The following CDH2 variants were observed in gnomAD, a reference collection of about 807,000 sequenced individuals.
CDH2 encodes cadherin 2.
Under a neutral mutation model 92.0 loss-of-function variants are expected in CDH2, and 17 were observed. The observed-to-expected ratio is 0.18, with a 90% CI of 0.13 to 0.28. The LOEUF (loss-of-function observed/expected upper bound fraction) is 0.28. Ranked by LOEUF, CDH2 falls within the 10% of genes least tolerant of loss-of-function variation. CDH2 has a pLI of 1.00. For missense variants in CDH2, 862 were observed against 1,133.1 expected (o/e 0.76, Z 3.44); for synonymous variants, 419 against 415.9 (o/e 1.01, Z -0.09).
intron 6 of CDH2, among the ~76,000 whole-genome samples, chr18:28,005,003 T>C (rs1319256796): frequency 6.6e-6 from 1 of 152,216 alleles, no homozygotes; most frequent in Non-Finnish European, 1.5e-5. Flanking sequence ...CAATTTTAAA[T>C]GCTGAGGCTT....
chr18:27,981,354 A>G (rs909829770), intron 14 of CDH2, among the ~76,000 whole-genome samples: 1 of 152,212 alleles, frequency 6.6e-6, no homozygotes, highest in African/African-American at 2.4e-5. Flanking sequence ...CCAAACATGA[A>G]TTTTAATATT....
chr18:28,036,145 A>T (rs2013821090), intron 2 of CDH2, among the ~76,000 whole-genome samples: 1 of 152,190 alleles, frequency 6.6e-6, no homozygotes, highest in South Asian at 2.1e-4. Context: ...ATTATCAGCT[A>T]GATTTGAAAA....
At chr18:28,018,672 A>G (rs2144050493) in intron 2 of CDH2, among the ~76,000 whole-genome samples, 1 of 151,964 alleles carries the variant, frequency 6.6e-6, no homozygotes, top group East Asian at 1.9e-4. Flanking sequence ...AAAATAATAG[A>G]TGTTGGCATG....
chr18:28,109,162 C>T (rs997706611), intron 2 of CDH2, among the ~76,000 whole-genome samples: 6 of 152,090 alleles, frequency 3.9e-5, no homozygotes, highest in East Asian at 1.9e-4. Context: ...AGAATATTCA[C>T]GCTTAAAATG....
intron 2 of CDH2, among the ~76,000 whole-genome samples, chr18:28,017,328 G>T (rs1265395698): frequency 6.6e-6 from 1 of 151,772 alleles, no homozygotes; most frequent in Non-Finnish European, 1.5e-5. Context: ...ATTTCTTCCT[G>T]GTTTAATCTA....
chr18:27,954,707 A>G (rs1176380023), intron 15 of CDH2: 1 of 152,240 alleles, frequency 6.6e-6, no homozygotes, highest in Non-Finnish European at 1.5e-5. Flanking sequence ...ACAAAAGCCG[A>G]AGAATGCACC....
chr18:28,023,895 T>C (rs984160061), intron 2 of CDH2, among the ~76,000 whole-genome samples: 2 of 152,154 alleles, frequency 1.3e-5, no homozygotes, highest in Non-Finnish European at 2.9e-5. Context: ...TTCTATTTCT[T>C]CTGCTTCATT....
chr18:28,114,022 CAAGT>C (rs1035214524), intron 2 of CDH2, among the ~76,000 whole-genome samples: 6 of 152,114 alleles, frequency 3.9e-5, no homozygotes, highest in East Asian at 1.9e-4. Context: ...CATCCTCCAA[CAAGT>C]AAGATGTTAG....
Position 28,177,054 on chromosome 18 carries a change from A to AGGGGGC in CDH2, c.-33_-32insGCCCCC. The AGGGGGC allele has an allele frequency of 1.4e-6, 2 of 1,434,688 alleles. No individual in the cohort carries two copies. Among genetic ancestry groups the AGGGGGC allele is most frequent in the Non-Finnish European group, 1.8e-6 (2 of 1,083,868 alleles). The allele number at this position is 1,434,688 out of a possible 1,614,324, so 88.9% of individuals were successfully genotyped here. A position where few individuals can be genotyped will look rare whatever the true frequency, so the allele number is the denominator to read the frequency against. The stretch of plus-strand genomic sequence containing the variant: ...GGAGAGGGGCCGAGCGAAGAGCCGG[A>AGGGGGC]GGAGGCGGCGGCGGCGGCGGCGGCG... On this transcript the variant is annotated 5_prime_UTR_variant, in exon 1 of 16. Transcript: ENST00000269141.
At chr18:28,046,241 T>C (rs17494010) in intron 2 of CDH2, among the ~76,000 whole-genome samples, 177 of 152,334 alleles carry the variant, frequency 1.2e-3, no homozygotes, top group African/African-American at 4.1e-3. Context: ...TACTTTGTGA[T>C]CTTCTCCTTT....
chr18:27,982,974 A>G lies in CDH2; in HGVS notation c.2319T>C (p.Tyr773=), dbSNP rs1254449140. Residue 773 remains tyrosine, a synonymous_variant, in exon 14 of 16, where the codon TAT becomes TAC. Transcript: ENST00000269141. ...EDDVRDNILK[Y]DEEGGGEEDQ... is the part of the protein sequence containing the mutation. ...CTTCTTCTCCTCCACCTTCTTCATC[A>G]TATTTTAAAATATTATCTCTTACAT... The G allele has an allele frequency of 1.9e-6, 3 of 1,605,110 alleles. No individual in the cohort carries two copies. In the South Asian group the frequency reaches 3.3e-5, roughly 18 times the overall value.
At chr18:28,004,498 T>C (rs1209968964) in intron 6 of CDH2, among the ~76,000 whole-genome samples, 2 of 152,242 alleles carry the variant, frequency 1.3e-5, no homozygotes, top group African/African-American at 2.4e-5. Context: ...CAGTCTTTTA[T>C]TTATGGGTGG....
At chr18:28,123,589 G>T (rs771380469) in intron 2 of CDH2, among the ~76,000 whole-genome samples, 1 of 152,100 alleles carries the variant, frequency 6.6e-6, no homozygotes, top group Non-Finnish European at 1.5e-5. Context: ...CAAATGCATT[G>T]CTCCATCCTG....
intron 7 of CDH2, among the ~76,000 whole-genome samples, chr18:28,001,005 G>A (rs2012749363): frequency 6.6e-6 from 1 of 151,872 alleles, no homozygotes; most frequent in Non-Finnish European, 1.5e-5. Flanking sequence ...TTTTTTCTAT[G>A]TTAAATGACT....
intron 1 of CDH2, among the ~76,000 whole-genome samples, chr18:28,172,758 G>T (rs2016483487): frequency 6.6e-6 from 1 of 152,068 alleles, no homozygotes; most frequent in Admixed American, 6.5e-5. Context: ...TGAGCCAAAA[G>T]AACAAATCTG....
rs1285397311 is a variant in CDH2 at position 28,104,469 on chromosome 18, AAACT to A, written c.172+43200_172+43203del. Among the ~76,000 whole-genome samples the A allele has an allele frequency of 3.3e-5, 5 of 151,884 alleles. No individual in the cohort carries two copies. The East Asian group carries it at 9.7e-4, about 30-fold the overall frequency. On this transcript the variant is annotated intron_variant, in intron 2 of 15. Transcript: ENST00000269141. Reference sequence around the variant, plus strand: ...AAACCATGAAGCAATCCAAGAATTCAAACTAACTGTTTTACATAGAATTCTTATG... The same window carrying A: ...AAACCATGAAGCAATCCAAGAATTCAAACTGTTTTACATAGAATTCTTATG...
chr18:28,024,798 T>C (rs1053780628), intron 2 of CDH2, among the ~76,000 whole-genome samples: 1 of 151,940 alleles, frequency 6.6e-6, no homozygotes, highest in Non-Finnish European at 1.5e-5. Flanking sequence ...AAATTAATTA[T>C]TGATTTCCAT....
chr18:27,976,737 T>C (rs75453110), intron 14 of CDH2, among the ~76,000 whole-genome samples: 31 of 152,302 alleles, frequency 2.0e-4, no homozygotes, highest in African/African-American at 7.2e-4. Flanking sequence ...TTGCTATTAG[T>C]ATAGAGAATG....
At chr18:28,020,417 C>T (rs2013377831) in intron 2 of CDH2, among the ~76,000 whole-genome samples, 2 of 151,840 alleles carry the variant, frequency 1.3e-5, no homozygotes, top group Non-Finnish European at 2.9e-5. Context: ...ATGGGACGTG[C>T]TTTATTTAAA....
Sources: gnomAD v4.1 joint callset for allele counts (sites outside exome capture counted in the v4.1 genomes callset) on GRCh38, gnomAD v4.1.1 for gene constraint, MANE v1.5 for transcripts, NCBI Gene and HGNC (gene_info 2026-07-23, HGNC 2026-07-21) for gene names.